The following ZNF274 variants were observed in gnomAD, a reference collection of about 807,000 sequenced individuals.
ZNF274 encodes the protein neurotrophin receptor-interacting factor homolog.
In ZNF274, 23 loss-of-function variants were observed where a neutral mutation model predicts 42.5. The observed-to-expected ratio is 0.54, with a 90% CI of 0.39 to 0.77. ZNF274 has a LOEUF of 0.77. ZNF274 is among the 30% of genes least tolerant of loss of function. The pLI, the probability that ZNF274 is intolerant of heterozygous loss-of-function variation, is 0.00. For missense variants in ZNF274, 679 were observed against 806.5 expected (o/e 0.84, Z 1.91); for synonymous variants, 292 against 305.4 (o/e 0.96, Z 0.46).
rs749192180 is a variant in ZNF274 at position 58,213,275 on chromosome 19, C to T, written c.*132C>T. The T allele has an allele frequency of 4.4e-5, 53 of 1,191,378 alleles. No individual in the cohort carries two copies. The highest frequency in any genetic ancestry group is 5.7e-5 in the Admixed American group (2 of 35,264). 73.8% of individuals were successfully genotyped at this position (1,191,378 alleles called of 1,614,324 possible). The stretch of plus-strand genomic sequence containing the variant: ...TGAGGACATTCCCAAAACCAAAGGA[C>T]AACTGAGGAGACTGCCCAGCACATA... On this transcript the variant is annotated 3_prime_UTR_variant, in exon 8 of 8. Transcript: ENST00000617501.
At chr19:58,194,370 C>CATTTT (rs1568701207) in intron 4 of ZNF274, among the ~76,000 whole-genome samples, 1 of 107,628 alleles carries the variant, frequency 9.3e-6, no homozygotes, top group African/African-American at 3.6e-5. Context: ...TTGTTTTTTA[C>CATTTT]CTTTTTTTTT....
At chr19:58,190,232 C>T (rs1383357718) in intron 4 of ZNF274, among the ~76,000 whole-genome samples, 1 of 151,254 alleles carries the variant, frequency 6.6e-6, no homozygotes, top group Non-Finnish European at 1.5e-5. Context: ...ACTGCAACCT[C>T]CATCCTCTGG....
intron 4 of ZNF274, among the ~76,000 whole-genome samples, chr19:58,205,941 C>T (rs1024809209): frequency 6.6e-6 from 1 of 152,228 alleles, no homozygotes. Context: ...ATATAATTCA[C>T]ACATTGTAAA....
chr19:58,207,653 G>C lies in ZNF274; in HGVS notation c.739+451G>C, dbSNP rs1345721978. ...CTGGTGTGGAGTGGAACTTGGCCAGGGTAAAGAAAGGGGGCAGGAAAGATG... is the reference window on the plus strand; with the variant it reads ...CTGGTGTGGAGTGGAACTTGGCCAGCGTAAAGAAAGGGGGCAGGAAAGATG... On this transcript the variant is annotated intron_variant, in intron 5 of 7. Transcript: ENST00000617501. This position sits in a 1 kb window ranked among gnomAD's most constrained non-coding sequence, Gnocchi z 5.6. Among the ~76,000 whole-genome samples the C allele has an allele frequency of 6.6e-6, 1 of 152,102 alleles. No homozygotes were observed. Among genetic ancestry groups the C allele is most frequent in the Non-Finnish European group, 1.5e-5 (1 of 68,022 alleles).
chr19:58,197,054 A>C (rs1487448975), intron 4 of ZNF274, among the ~76,000 whole-genome samples: 1 of 152,236 alleles, frequency 6.6e-6, no homozygotes, highest in Non-Finnish European at 1.5e-5. Context: ...TTCTGAAACC[A>C]TGAGAATATA....
chr19:58,191,091 G>A (rs1479701537), intron 4 of ZNF274, among the ~76,000 whole-genome samples: 3 of 152,198 alleles, frequency 2.0e-5, no homozygotes, highest in Non-Finnish European at 4.4e-5. Flanking sequence ...TATTTCATCT[G>A]CAAAGTCTCC....
intron 4 of ZNF274, among the ~76,000 whole-genome samples, chr19:58,204,231 G>A (rs528358631): frequency 5.9e-5 from 9 of 152,220 alleles, no homozygotes; most frequent in African/African-American, 2.2e-4. Flanking sequence ...GTAGGCCCAG[G>A]ACGTGTCCCT....
intron 1 of ZNF274, 176 bp from the exon 2 acceptor site, chr19:58,183,745 G>T (rs1414638224): frequency 3.7e-6 from 2 of 536,782 alleles, no homozygotes; most frequent in Admixed American, 3.4e-5. Context: ...CTCTCGGGGA[G>T]GGGAAAACTG....
intron 4 of ZNF274, among the ~76,000 whole-genome samples, chr19:58,191,820 C>T (rs1355155563): frequency 1.3e-5 from 2 of 152,358 alleles, no homozygotes; most frequent in Admixed American, 6.5e-5. Context: ...TTCCACCTCA[C>T]AGATACTTAT....
At chr19:58,209,863 A>G (rs915402258) in intron 5 of ZNF274, 98 bp from the exon 6 acceptor site, 5 of 705,512 alleles carry the variant, frequency 7.1e-6, no homozygotes, top group Non-Finnish European at 2.4e-6. Flanking sequence ...AGTACGATGC[A>G]GGGGTGCGGT....
intron 4 of ZNF274, among the ~76,000 whole-genome samples, chr19:58,201,874 T>A (rs1273628918): frequency 6.6e-6 from 1 of 152,116 alleles, no homozygotes; most frequent in African/African-American, 2.4e-5. Flanking sequence ...CTTCGTGAAA[T>A]GATGGTACTG....
chr19:58,195,618 G>A (rs1486723104), intron 4 of ZNF274, among the ~76,000 whole-genome samples: 1 of 152,078 alleles, frequency 6.6e-6, no homozygotes, highest in Admixed American at 6.6e-5. Flanking sequence ...TGTGCTTCTC[G>A]AGCTTCCCAT....
At chr19:58,206,666 A>G in intron 4 of ZNF274, 54 bp from the exon 5 acceptor site, 3 of 1,493,588 alleles carry the variant, frequency 2.0e-6, no homozygotes, top group Non-Finnish European at 2.7e-6. Context: ...AATGGCGTTG[A>G]GCATCTTTTC....
intron 6 of ZNF274, chr19:58,210,284 T>C (rs2076025519): frequency 4.2e-6 from 2 of 475,894 alleles, no homozygotes; most frequent in Non-Finnish European, 7.6e-6. Flanking sequence ...AGACAACGCA[T>C]GGTGACCCGG....
At chr19:58,204,307 C>A (rs944135292) in intron 4 of ZNF274, among the ~76,000 whole-genome samples, 1 of 152,056 alleles carries the variant, frequency 6.6e-6, no homozygotes, top group African/African-American at 2.4e-5. Context: ...GAGCTGTAGG[C>A]CCCGCGGGTG....
chr19:58,212,225 AG>A lies in ZNF274; in HGVS notation c.1045del (p.Ala349ProfsTer4), dbSNP rs1450948501. The A allele has an allele frequency of 6.2e-7, 1 of 1,613,384 alleles. No homozygotes were observed. The highest frequency in any genetic ancestry group is 8.5e-7 in the Non-Finnish European group (1 of 1,179,870). ...PNSDIPEEEP[A>X]PSLKVQESSR... ...ATTCTGACATTCCTGAGGAAGAACC[AG>A]CCCCCAGCCTGAAAGTACAAGAATC... On this transcript the variant is annotated frameshift_variant, in exon 8 of 8. Transcript: ENST00000617501. LOFTEE classifies it low-confidence loss of function (END_TRUNC). The surrounding 1 kb of genome is among the most constrained non-coding windows in gnomAD (Gnocchi z 4.6).
chr19:58,188,724 A>ATATAT (rs2075743381), intron 4 of ZNF274, among the ~76,000 whole-genome samples: 2 of 128,648 alleles, frequency 1.6e-5, no homozygotes, highest in South Asian at 2.5e-4. Context: ...ATATATATAT[A>ATATAT]AATCTTTAAA....
chr19:58,211,462 G>T lies in ZNF274; in HGVS notation c.853-98G>T, dbSNP rs559261455. 6 of 1,465,402 alleles carry T rather than the reference G, an allele frequency of 4.1e-6. No individual in the cohort carries two copies. Among genetic ancestry groups the T allele is most frequent in the Non-Finnish European group, 5.5e-6 (6 of 1,090,188 alleles). 90.8% of individuals were successfully genotyped at this position (1,465,402 alleles called of 1,614,324 possible). On this transcript the variant is annotated intron_variant, in intron 6 of 7. Coordinates refer to ENST00000617501, the MANE Select transcript of ZNF274 (RefSeq NM_133502.3). The surrounding 1 kb of genome is among the most constrained non-coding windows in gnomAD (Gnocchi z 4.8). ...CCAAAGCAGGAGAGTCCCTAGCACC[G>T]TGAGCTCTGTCAGAACCTCCCAGCT...
At chr19:58,194,965 C>T (rs2075823770) in intron 4 of ZNF274, among the ~76,000 whole-genome samples, 1 of 151,946 alleles carries the variant, frequency 6.6e-6, no homozygotes, top group African/African-American at 2.4e-5. Flanking sequence ...AGCACCTCTG[C>T]ACTCCAGCCT....
Sources: gnomAD v4.1 joint callset for allele counts (sites outside exome capture counted in the v4.1 genomes callset) on GRCh38, gnomAD v4.1.1 for gene constraint, Gnocchi (gnomAD v3.1) non-coding constraint, MANE v1.5 for transcripts, NCBI Gene and HGNC (gene_info 2026-07-23, HGNC 2026-07-21) for gene names.